Variants in RBM34 observed in about 807,000 individuals in gnomAD.
The protein encoded by RBM34 is RNA binding motif protein 34.
In RBM34, 39 loss-of-function variants were observed where a neutral mutation model predicts 44.6. The ratio of observed to expected loss-of-function variants is 0.87; its 90% confidence interval spans 0.68 to 1.14. The LOEUF (loss-of-function observed/expected upper bound fraction) is 1.14, where lower values mean the gene tolerates loss of function less well. Among genes scored for constraint, RBM34 ranks in the 50% most tolerant of loss-of-function variants. The probability of loss-of-function intolerance (pLI) is 0.00; values close to 1 mark genes in which losing one functional copy is unlikely to be tolerated. For missense variants in RBM34, 572 were observed against 517.9 expected (o/e 1.10, Z -1.01); for synonymous variants, 194 against 184.0 (o/e 1.05, Z -0.44).
At chr1:235,147,160 G>C (rs1461573695) in intron 6 of RBM34, among the ~76,000 whole-genome samples, 2 of 152,162 alleles carry the variant, frequency 1.3e-5, no homozygotes, top group African/African-American at 4.8e-5. Context: ...GAGCCCAAAA[G>C]TTTAAGGCTA....
intron 4 of RBM34, 40 bp downstream of exon 4, chr1:235,154,841 G>T: frequency 6.7e-7 from 1 of 1,501,764 alleles, no homozygotes; most frequent in Non-Finnish European, 9.2e-7. Context: ...GAAGAACAAA[G>T]TTATTAACTT....
At chr1:235,135,457 G>A (rs1661386151) in intron 10 of RBM34, among the ~76,000 whole-genome samples, 195 bp downstream of exon 10, 2 of 151,722 alleles carry the variant, frequency 1.3e-5, no homozygotes, top group Admixed American at 1.3e-4. Flanking sequence ...TCAAACTCCT[G>A]AGCTCAAGAG....
intron 6 of RBM34, among the ~76,000 whole-genome samples, chr1:235,141,258 G>A (rs374842351): frequency 1.0e-4 from 15 of 147,372 alleles, no homozygotes; most frequent in East Asian, 2.1e-4. Context: ...TACACCAATC[G>A]GCACTCTGTA....
At chr1:235,145,417 C>T (rs1407681663) in intron 6 of RBM34, among the ~76,000 whole-genome samples, 1 of 151,840 alleles carries the variant, frequency 6.6e-6, no homozygotes, top group African/African-American at 2.4e-5. Context: ...AGCTGGACTA[C>T]AGGCGTGCAC....
chr1:235,139,460 T>C (rs1661581388), intron 6 of RBM34, among the ~76,000 whole-genome samples: 1 of 152,142 alleles, frequency 6.6e-6, no homozygotes, highest in Non-Finnish European at 1.5e-5. Flanking sequence ...AAGCTGAGAC[T>C]GGAAGAGGTA....
intron 4 of RBM34, 135 bp from the exon 5 acceptor site, chr1:235,152,900 G>C (rs1267372743): frequency 4.2e-6 from 3 of 720,858 alleles, no homozygotes; most frequent in Non-Finnish European, 6.3e-6. Flanking sequence ...ACAGAGTCTT[G>C]CACTTTCGCC....
chr1:235,145,128 A>G (rs936759798), intron 6 of RBM34, among the ~76,000 whole-genome samples: 1 of 152,224 alleles, frequency 6.6e-6, no homozygotes, highest in African/African-American at 2.4e-5. Flanking sequence ...GACTGATTTC[A>G]TGAACATCCC....
chr1:235,138,312 C>G, intron 6 of RBM34, 138 bp from the exon 7 acceptor site: 1 of 633,108 alleles, frequency 1.6e-6, no homozygotes, highest in East Asian at 2.8e-5. Context: ...CATTTCATCT[C>G]TTTGAATAAA....
chr1:235,146,240 C>G (rs1661902812), intron 6 of RBM34, among the ~76,000 whole-genome samples: 1 of 152,096 alleles, frequency 6.6e-6, no homozygotes, highest in Non-Finnish European at 1.5e-5. Flanking sequence ...GCCACTGCAC[C>G]CGGCCTTCAG....
At chr1:235,133,353 C>T (rs1371215839) in intron 10 of RBM34, among the ~76,000 whole-genome samples, 4 of 152,032 alleles carry the variant, frequency 2.6e-5, no homozygotes, top group African/African-American at 9.7e-5. Context: ...AAACAAAAAA[C>T]ACATAACCAC....
chr1:235,134,272 C>T (rs888510375), intron 10 of RBM34, among the ~76,000 whole-genome samples: 1 of 152,136 alleles, frequency 6.6e-6, no homozygotes, highest in Admixed American at 6.5e-5. Flanking sequence ...GATCCACCTG[C>T]CTTGGCCTCC....
rs368760769 is a variant in RBM34, at chr1:235,161,108, C to A, written c.54-41G>T. On this transcript the variant is annotated intron_variant, in intron 1 of 10. Transcript: ENST00000408888. Reference sequence around the variant, plus strand: ...AGAAACTCAGCCACGCCACGCACCACCGCTTCGCCAGCACGAGGGAACGTA... The same window carrying A: ...AGAAACTCAGCCACGCCACGCACCAACGCTTCGCCAGCACGAGGGAACGTA... 32 of 1,606,474 alleles carry A rather than the reference C, an allele frequency of 2.0e-5. No homozygotes were observed. In the African/African-American group the frequency reaches 4.3e-4, roughly 21 times the overall value.
At chr1:235,139,578 A>G (rs1661587325) in intron 6 of RBM34, among the ~76,000 whole-genome samples, 1 of 152,186 alleles carries the variant, frequency 6.6e-6, no homozygotes, top group Admixed American at 6.5e-5. Flanking sequence ...GACAACATCC[A>G]AATCCAACAC....
chr1:235,155,401 G>A (rs1662355615), intron 3 of RBM34, among the ~76,000 whole-genome samples: 2 of 151,352 alleles, frequency 1.3e-5, no homozygotes, highest in South Asian at 2.1e-4. Flanking sequence ...GAGTGTAGCA[G>A]CGTAATCACA....
At chr1:235,144,665 T>A (rs1197589695) in intron 6 of RBM34, among the ~76,000 whole-genome samples, 1 of 152,178 alleles carries the variant, frequency 6.6e-6, no homozygotes, top group Non-Finnish European at 1.5e-5. Flanking sequence ...AATGATTACT[T>A]GAGCCTAGGA....
intron 10 of RBM34, 148 bp from the exon 11 acceptor site, chr1:235,132,145 G>C: frequency 2.9e-6 from 2 of 686,276 alleles, no homozygotes; most frequent in South Asian, 4.4e-5. Context: ...TGCTGCACTC[G>C]AAGTCTCCTC....
intron 6 of RBM34, among the ~76,000 whole-genome samples, chr1:235,146,880 C>A (rs2102845503): frequency 6.6e-6 from 1 of 152,282 alleles, no homozygotes; most frequent in Admixed American, 6.5e-5. Context: ...CTCGGCCTCC[C>A]AAAGTGCTGG....
rs983548746 is a variant in RBM34, at chr1:235,149,205, G to A, written c.658-758C>T. 3.3e-4 allele frequency among the ~76,000 whole-genome samples: 50 copies of A among 151,804 alleles called. 2 individuals carry two copies. Among genetic ancestry groups the A allele is most frequent in the Admixed American group, 2.6e-3 (39 of 15,264 alleles). On this transcript the variant is annotated intron_variant, in intron 5 of 10. Transcript: ENST00000408888. ...AGGTTGAGACCATCCTGGCTAACAC[G>A]GTGAAACCCCATCTCTACTAGAAAT...
At chr1:235,158,961 A>AT (rs1558150965) in intron 3 of RBM34, among the ~76,000 whole-genome samples, 13 of 143,962 alleles carry the variant, frequency 9.0e-5, no homozygotes, top group African/African-American at 3.6e-4. Context: ...CTATTTTTTT[A>AT]CTAAAAAAAA....
Sources: gnomAD v4.1 joint callset for allele counts (sites outside exome capture counted in the v4.1 genomes callset) on GRCh38, gnomAD v4.1.1 for gene constraint, MANE v1.5 for transcripts, NCBI Gene and HGNC (gene_info 2026-07-23, HGNC 2026-07-21) for gene names.